Variants in IFT22 observed in about 807,000 individuals in gnomAD.
IFT22 encodes intraflagellar transport 22, also known as intraflagellar transport protein 22 homolog.
In IFT22, 13 loss-of-function variants were observed where a neutral mutation model predicts 21.0. The observed-to-expected ratio is 0.62, with a 90% CI of 0.40 to 0.98. The LOEUF (loss-of-function observed/expected upper bound fraction) is 0.98. Ranked by LOEUF, IFT22 falls within the 50% of genes least tolerant of loss-of-function variation. The pLI is 0.00. For missense variants in IFT22, 227 were observed against 228.9 expected, an observed-to-expected ratio of 0.99 and a Z score of 0.06; for synonymous variants, 67 against 82.4, an observed-to-expected ratio of 0.81 and a Z score of 1.01.
rs143488810 is a variant in IFT22, at chr7:101,315,019, A to G, written c.*115T>C. 7.7e-4 allele frequency: 900 copies of G among 1,164,734 alleles called. No homozygotes were observed. The highest frequency in any genetic ancestry group is 9.7e-4 in the Non-Finnish European group (805 of 827,992). 72.1% of individuals were successfully genotyped at this position (1,164,734 alleles called of 1,614,324 possible). Reference sequence around the variant, plus strand: ...CAGGTGCCTTCCTGCAGGTAGGAACACTTCCTCTGCAGTCAGAGGGAGAAG... The same window carrying G: ...CAGGTGCCTTCCTGCAGGTAGGAACGCTTCCTCTGCAGTCAGAGGGAGAAG... On this transcript the variant is annotated 3_prime_UTR_variant, in exon 5 of 5. Coordinates refer to ENST00000315322, the MANE Select transcript of IFT22 (RefSeq NM_022777.4).
Position 101,315,295 on chromosome 7 carries a change from G to A in IFT22, c.410-13C>T. 1 of 1,614,050 alleles carries A rather than the reference G, an allele frequency of 6.2e-7. No individual in the cohort carries two copies. Among genetic ancestry groups the A allele is most frequent in the Non-Finnish European group, 8.5e-7 (1 of 1,180,024 alleles). On this transcript the variant is annotated splice_polypyrimidine_tract_variant and intron_variant, in intron 4 of 4. Coordinates refer to ENST00000315322, the MANE Select transcript of IFT22 (RefSeq NM_022777.4). ...TTCAAGGGTGGCGCTTGAAAATGAAGATAAGGTTAATTAGGCAAAGAGTTT... is the reference window on the plus strand; with the variant it reads ...TTCAAGGGTGGCGCTTGAAAATGAAAATAAGGTTAATTAGGCAAAGAGTTT...
intron 4 of IFT22, 187 bp from the exon 5 acceptor site, chr7:101,315,469 A>G (rs1482033966): frequency 1.5e-5 from 9 of 620,120 alleles, no homozygotes; most frequent in South Asian, 9.9e-5. Context: ...AACCTTACAA[A>G]CCACTTTCCA....
chr7:101,315,583 G>A lies in IFT22; in HGVS notation c.410-301C>T, dbSNP rs1388341514. ...TTCAGGATGACTGTGTCACCTCTGG[G>A]ATGTGTGTTATGTGAATTGGAGGTT... On this transcript the variant is annotated intron_variant, in intron 4 of 4. Transcript: ENST00000315322. 4 of 380,236 alleles carry A rather than the reference G, an allele frequency of 1.1e-5. No homozygotes were observed. The Admixed American group carries it at 1.3e-4, about 13-fold the overall frequency. 23.6% of individuals were successfully genotyped at this position (380,236 alleles called of 1,614,324 possible). A position where few individuals can be genotyped will look rare whatever the true frequency, so the allele number is the denominator to read the frequency against.
At chr7:101,315,532 G>C in intron 4 of IFT22, 2 of 501,014 alleles carry the variant, frequency 4.0e-6, no homozygotes, top group Non-Finnish European at 7.0e-6. Context: ...TTCTCATTTT[G>C]TTTCTGAATA....
In IFT22 at chr7:101,311,783, G is replaced by A. The variant is rs747893908; in HGVS notation, c.*3351C>T. On this transcript the variant is annotated 3_prime_UTR_variant, in exon 5 of 5. Coordinates refer to ENST00000315322, the MANE Select transcript of IFT22 (RefSeq NM_022777.4). The stretch of plus-strand genomic sequence containing the variant: ...TCCCAGCACTTTGGGAGGCTGAGGC[G>A]GGTAGACCACAAGGTCAGGAGTTCA... Among the ~76,000 whole-genome samples the A allele has an allele frequency of 4.6e-5, 7 of 151,864 alleles. No homozygotes were observed. Among genetic ancestry groups the A allele is most frequent in the South Asian group, 2.1e-4 (1 of 4,796 alleles).
rs1456835896 is a variant in IFT22, at chr7:101,311,862, G to T, written c.*3272C>A. 6.6e-6 allele frequency among the ~76,000 whole-genome samples: 1 copy of T among 151,974 alleles called. No individual in the cohort carries two copies. Among genetic ancestry groups the T allele is most frequent in the Non-Finnish European group, 1.5e-5 (1 of 68,014 alleles). Reference sequence around the variant, plus strand: ...GTCTCTACTAAAAATACAAAAATTAGCCGGGTGCAGTGGCAGGCACCTGTA... The same window carrying T: ...GTCTCTACTAAAAATACAAAAATTATCCGGGTGCAGTGGCAGGCACCTGTA... On this transcript the variant is annotated 3_prime_UTR_variant, in exon 5 of 5. Transcript: ENST00000315322.
chr7:101,321,717 C>T lies in IFT22; in HGVS notation c.-8G>A. On this transcript the variant is annotated 5_prime_UTR_variant, in exon 1 of 5. Coordinates refer to ENST00000315322, the MANE Select transcript of IFT22 (RefSeq NM_022777.4). ...GATCTTGGCTTTCAGCATAGTTGTC[C>T]GCCGCGGCTTAGCCGGCCGGAGCCC... is the stretch of plus-strand genomic sequence containing the variant. 1 of 1,595,938 alleles carries T rather than the reference C, an allele frequency of 6.3e-7. No individual in the cohort carries two copies.
intron 2 of IFT22, 56 bp from the exon 3 acceptor site, chr7:101,318,269 C>G: frequency 7.0e-7 from 1 of 1,435,394 alleles, no homozygotes; most frequent in Non-Finnish European, 9.7e-7. Context: ...CCTGTAATCT[C>G]AGCAGTCTGG....
chr7:101,315,788 A>G, intron 4 of IFT22: 1 of 179,354 alleles, frequency 5.6e-6, no homozygotes, highest in Non-Finnish European at 1.2e-5. Flanking sequence ...CCTCCCAGGT[A>G]CAAGTGATTC....
At chr7:101,321,463 T>G (rs1376970448) in intron 1 of IFT22, 1 of 566,542 alleles carries the variant, frequency 1.8e-6, no homozygotes, top group African/African-American at 2.0e-5. Flanking sequence ...CGGGCTCGCC[T>G]CCACTACCTC....
rs1421571544 is a variant in IFT22, at chr7:101,316,535, A to T, written c.214T>A (p.Ser72Thr). Residue 72 changes from serine to threonine, a missense_variant, in exon 4 of 5, where the codon TCC becomes ACC. Physicochemically the swap from Ser to Thr is moderately conservative, Grantham distance 58. Coordinates refer to ENST00000315322, the MANE Select transcript of IFT22 (RefSeq NM_022777.4). Reference sequence around the variant, plus strand: ...TCCTTCATCAGGGCCGGCCAGCAGGACTCAAACCTGCGAGGAAGAAAAGGA... The same window carrying T: ...TCCTTCATCAGGGCCGGCCAGCAGGTCTCAAACCTGCGAGGAAGAAAAGGA... Reference protein sequence around the residue: ...WDCGGDAKFESCWPALMKDAH... With the variant: ...WDCGGDAKFETCWPALMKDAH... 2 of 1,613,970 alleles carry T rather than the reference A, an allele frequency of 1.2e-6. No homozygotes were observed. Among genetic ancestry groups the T allele is most frequent in the Admixed American group, 3.3e-5 (2 of 59,994 alleles).
chr7:101,315,296 A>G lies in IFT22; in HGVS notation c.410-14T>C, dbSNP rs1790112787. 1 of 1,614,060 alleles carries G rather than the reference A, an allele frequency of 6.2e-7. No homozygotes were observed. The highest frequency in any genetic ancestry group is 1.3e-5 in the African/African-American group (1 of 75,024). On this transcript the variant is annotated splice_polypyrimidine_tract_variant and intron_variant, in intron 4 of 4. Coordinates refer to ENST00000315322, the MANE Select transcript of IFT22 (RefSeq NM_022777.4). ...TCAAGGGTGGCGCTTGAAAATGAAG[A>G]TAAGGTTAATTAGGCAAAGAGTTTC... is the stretch of plus-strand genomic sequence containing the variant.
intron 2 of IFT22, 104 bp from the exon 3 acceptor site, chr7:101,318,317 C>T (rs942412564): frequency 1.8e-5 from 13 of 724,658 alleles, no homozygotes; most frequent in African/African-American, 9.0e-5. Context: ...GTCAGGAGTT[C>T]GAGACCAGCC....
In IFT22 at chr7:101,315,152, C is replaced by A; in HGVS notation, c.540G>T (p.Glu180Asp). Residue 180 changes from glutamate (E) to aspartate (D), a missense_variant, in exon 5 of 5, where the codon GAG becomes GAT. By Grantham distance (45) the Glu-to-Asp change is conservative. Coordinates refer to ENST00000315322, the MANE Select transcript of IFT22 (RefSeq NM_022777.4). Reference protein sequence around the residue: ...NSMSESRDREEMSIMT With the variant: ...NSMSESRDREDMSIMT ...AGGCTGGCTAGGTCATAATTGACAT[C>A]TCCTCCCTGTCTCTGCTCTCAGACA... 2.5e-6 allele frequency: 4 copies of A among 1,613,604 alleles called. No homozygotes were observed. Among genetic ancestry groups the A allele is most frequent in the Non-Finnish European group, 3.4e-6 (4 of 1,179,788 alleles).
In IFT22 at chr7:101,313,204, T is replaced by A. The variant is rs919299073; in HGVS notation, c.*1930A>T. On this transcript the variant is annotated 3_prime_UTR_variant, in exon 5 of 5. Transcript: ENST00000315322. ...TATTACAGGTGTGTGCCAACATGCC[T>A]GGCGAATTTTTGTATTTTTAGTAGA... 6.6e-6 allele frequency among the ~76,000 whole-genome samples: 1 copy of A among 152,100 alleles called. No homozygotes were observed. Among genetic ancestry groups the A allele is most frequent in the East Asian group, 1.9e-4 (1 of 5,196 alleles).
At chr7:101,318,052 G>C in intron 3 of IFT22, 72 bp downstream of exon 3, 1 of 1,337,718 alleles carries the variant, frequency 7.5e-7, no homozygotes, top group Admixed American at 1.7e-5. Flanking sequence ...ACAGGTGTGA[G>C]CCACCGCCCC....
rs369478970 is a variant in IFT22, at chr7:101,316,336, T to C, written c.409+4A>G. The C allele has an allele frequency of 5.0e-5, 81 of 1,613,838 alleles. No homozygotes were observed. Among genetic ancestry groups the C allele is most frequent in the Non-Finnish European group, 6.6e-5 (78 of 1,179,850 alleles). On this transcript the variant is annotated splice_donor_region_variant and intron_variant, in intron 4 of 4. Transcript: ENST00000315322. ...AAGAGGAAGAGAAATTCCAGTTTCC[T>C]TACACAAAGACAGGCTTCCTTTATC... is the stretch of plus-strand genomic sequence containing the variant.
At chr7:101,315,997 CTTTTTTTT>C (rs59453200) in intron 4 of IFT22, 2 of 141,922 alleles carry the variant, frequency 1.4e-5, no homozygotes, top group Non-Finnish European at 2.8e-5. Flanking sequence ...GGTCTTTTCT[CTTTTTTTT>C]TTTTTTTTTT....
At position 101,311,551 on chromosome 7, in the gene IFT22, C is replaced by G. The variant is rs1789980238; in HGVS notation, c.*3583G>C. On this transcript the variant is annotated 3_prime_UTR_variant, in exon 5 of 5. Transcript: ENST00000315322. ...CACACAGCTACATGTCAGCCCTCCTCACTGTGAAAGTGACAGACACCCTAG... is the reference window on the plus strand; with the variant it reads ...CACACAGCTACATGTCAGCCCTCCTGACTGTGAAAGTGACAGACACCCTAG... Among the ~76,000 whole-genome samples the G allele has an allele frequency of 6.6e-6, 1 of 152,210 alleles. No individual in the cohort carries two copies. Among genetic ancestry groups the G allele is most frequent in the Admixed American group, 6.5e-5 (1 of 15,276 alleles).
Sources: gnomAD v4.1 joint callset for allele counts (sites outside exome capture counted in the v4.1 genomes callset) on GRCh38, gnomAD v4.1.1 for gene constraint, MANE v1.5 for transcripts, NCBI Gene and HGNC (gene_info 2026-07-23, HGNC 2026-07-21) for gene names.